Variants in SCAP observed in about 807,000 individuals in gnomAD.
SCAP encodes the protein SREBF chaperone.
In SCAP, 65 loss-of-function variants were observed where a neutral mutation model predicts 123.6. The ratio of observed to expected loss-of-function variants is 0.53; its 90% CI spans 0.43 to 0.65. The LOEUF (loss-of-function observed/expected upper bound fraction) is 0.65. Among genes scored for constraint, SCAP ranks in the 30% least tolerant of loss-of-function variants. The pLI is 0.00. For missense variants in SCAP, 1,398 were observed against 1,712.5 expected (o/e 0.82, Z 3.24); for synonymous variants, 740 against 726.3 (o/e 1.02, Z -0.30).
rs929194507 is a variant in SCAP, at chr3:47,419,937, G to A, written c.1564-233C>T. Among the ~76,000 whole-genome samples, 1 of 152,182 alleles carries A rather than the reference G, an allele frequency of 6.6e-6. No individual in the cohort carries two copies. On this transcript the variant is annotated intron_variant, in intron 12 of 22. Coordinates refer to ENST00000265565, the MANE Select transcript of SCAP (RefSeq NM_012235.4). This position sits in a 1 kb window ranked among gnomAD's most constrained non-coding sequence, Gnocchi z 5.0. ...TCCACAGTTAGGGGCTGAGTTTCTT[G>A]GCCTGGAAATACACTGAAGCACCCT...
At chr3:47,421,251 G>C (rs1705886804) in intron 10 of SCAP, 2 of 570,174 alleles carry the variant, frequency 3.5e-6, no homozygotes, top group Non-Finnish European at 6.4e-6. Flanking sequence ...TCTTCAGAAA[G>C]GGCTGAAAGG....
At chr3:47,447,763 T>C (rs1707100705) in intron 1 of SCAP, among the ~76,000 whole-genome samples, 1 of 151,390 alleles carries the variant, frequency 6.6e-6, no homozygotes, top group Non-Finnish European at 1.5e-5. Context: ...TCCCAGCACT[T>C]TGGGAGGCCA....
Position 47,435,066 on chromosome 3 carries a change from G to A in SCAP, c.194C>T (p.Ser65Leu), listed in dbSNP as rs745791819. 21 of 1,614,012 alleles carry A rather than the reference G, an allele frequency of 1.3e-5. No homozygotes were observed. In the East Asian group the frequency reaches 2.0e-4, roughly 15 times the overall value. Residue 65 changes from serine to leucine, a missense_variant, in exon 3 of 23, where the codon TCG becomes TTG. Ser to Leu is a moderately radical substitution (Grantham distance 145). Around this residue, in one of 7 missense-constraint regions of SCAP, gnomAD observed 319 missense variants for 432.4 expected, o/e 0.74. Coordinates refer to ENST00000265565, the MANE Select transcript of SCAP (RefSeq NM_012235.4). ...GCGGTCAGAGTCCACAGGTGGGGGC[G>A]AGTAATCCTTCACAGGGGTGGTGAA... ...VEFTTPVKDY[S>L]PPPVDSDRKQ...
At chr3:47,465,370 C>T (rs1168695621) in intron 1 of SCAP, among the ~76,000 whole-genome samples, 4 of 152,090 alleles carry the variant, frequency 2.6e-5, no homozygotes, top group Non-Finnish European at 5.9e-5. Flanking sequence ...AGGGTTTCAC[C>T]ATGTTGGCCA....
rs1705821327 is a variant in SCAP at position 47,420,070 on chromosome 3, T to TC, written c.1564-367dup. 2.0e-5 allele frequency among the ~76,000 whole-genome samples: 3 copies of TC among 151,982 alleles called. No individual in the cohort carries two copies. The highest frequency in any genetic ancestry group is 4.4e-5 in the Non-Finnish European group (3 of 67,932). The stretch of plus-strand genomic sequence containing the variant: ...GCCAGCAACCTGACCTGCTCCAGAG[T>TC]CCCCCAGAGGTCCTAGTCCCAGGGG... On this transcript the variant is annotated intron_variant, in intron 12 of 22. Transcript: ENST00000265565. The surrounding 1 kb of genome is among the most constrained non-coding windows in gnomAD (Gnocchi z 5.0).
intron 1 of SCAP, among the ~76,000 whole-genome samples, chr3:47,452,084 C>A (rs1301571935): frequency 6.6e-6 from 1 of 152,166 alleles, no homozygotes; most frequent in East Asian, 1.9e-4. Context: ...CAGTAGTTCT[C>A]TTTATTGTTC....
Position 47,417,130 on chromosome 3 carries a change from C to G in SCAP, c.3048G>C (p.Leu1016Phe). 6.2e-7 allele frequency: 1 copy of G among 1,613,048 alleles called. No homozygotes were observed. Among genetic ancestry groups the G allele is most frequent in the Non-Finnish European group, 8.5e-7 (1 of 1,179,990 alleles). The part of the protein sequence containing the change: ...VSSGITALVF[L>F]DKRIVAARLN... ...AGGCAGGCCACGCTCACCTTTTGTCCAAGAACACCAGAGCGGTAATGCCTG... is the reference window on the plus strand; with the variant it reads ...AGGCAGGCCACGCTCACCTTTTGTCGAAGAACACCAGAGCGGTAATGCCTG... Residue 1016 changes from leucine (L) to phenylalanine (F), a missense_variant, in exon 18 of 23, where the codon TTG (leucine) becomes TTC (phenylalanine). Coordinates refer to ENST00000265565, the MANE Select transcript of SCAP (RefSeq NM_012235.4).
Position 47,420,694 on chromosome 3 carries a change from C to T in SCAP, c.1423G>A (p.Glu475Lys), listed in dbSNP as rs370283515. The T allele has an allele frequency of 2.9e-5, 47 of 1,611,636 alleles. No homozygotes were observed. The highest frequency in any genetic ancestry group is 3.1e-5 in the Non-Finnish European group (36 of 1,179,954). ...GACGGCCTCACAGCCAGCTGCCGCT[C>T]GTAGCGCGTTGGCTGTCCCACTGGC... is the stretch of plus-strand genomic sequence containing the variant. ...AKPVGQPTRY[E>K]RQLAVRPSTP... The change falls in exon 12 of 23, where the codon GAG becomes AAG. Residue 475 changes from glutamate to lysine, a missense_variant. Coordinates refer to ENST00000265565, the MANE Select transcript of SCAP (RefSeq NM_012235.4). This position sits in a 1 kb window ranked among gnomAD's most constrained non-coding sequence, Gnocchi z 5.0.
intron 1 of SCAP, chr3:47,443,333 CTCCTA>C (rs1466406888): frequency 7.7e-6 from 2 of 259,610 alleles, no homozygotes; most frequent in East Asian, 7.5e-5. Flanking sequence ...AACTCCCTCC[CTCCTA>C]TATTAGGCAA....
At chr3:47,432,780 C>T (rs942524225) in intron 3 of SCAP, among the ~76,000 whole-genome samples, 3 of 152,150 alleles carry the variant, frequency 2.0e-5, no homozygotes, top group African/African-American at 4.8e-5. Flanking sequence ...TGGGCTCAAG[C>T]GATCCTCCTG....
rs779194978 is a variant in SCAP at position 47,414,025 on chromosome 3, G to C, written c.3669C>G (p.Ser1223=). The change falls in exon 23 of 23, where the codon TCC becomes TCG. Residue 1223 remains serine (S), a synonymous_variant. Transcript: ENST00000265565. ...LLVTGGQGCV[S]FWDLNYGDLL... is the part of the protein sequence containing the mutation. ...GGTCCCCGTAGTTTAGGTCCCAAAA[G>C]GAGACACAGCCCTGGCCGCCAGTCA... 1 of 1,613,328 alleles carries C rather than the reference G, an allele frequency of 6.2e-7. No homozygotes were observed. Among genetic ancestry groups the C allele is most frequent in the South Asian group, 1.1e-5 (1 of 91,088 alleles).
In SCAP at chr3:47,417,445, G is replaced by T; in HGVS notation, c.2829C>A (p.Ser943=). The T allele has an allele frequency of 6.4e-7, 1 of 1,553,654 alleles. No individual in the cohort carries two copies. ...AGCCACCCTCGTCCTCAGGGGCCTG[G>T]GACAGCACCGGCCCAGGCGAGGGTG... The part of the protein sequence containing the change: ...LRPPSPGPVL[S]QAPEDEGGSP... The change falls in exon 17 of 23, where the codon TCC becomes TCA. Residue 943 remains serine, a synonymous_variant. Coordinates refer to ENST00000265565, the MANE Select transcript of SCAP (RefSeq NM_012235.4).
Position 47,419,811 on chromosome 3 carries a change from G to T in SCAP, c.1564-107C>A. On this transcript the variant is annotated intron_variant, in intron 12 of 22. Transcript: ENST00000265565. This position sits in a 1 kb window ranked among gnomAD's most constrained non-coding sequence, Gnocchi z 5.0. ...GCACAGGGACCTCAGGCCTGGGGAT[G>T]GAGAGAGGACACAGGCCCCACTGCG... is the stretch of plus-strand genomic sequence containing the variant. The T allele has an allele frequency of 1.5e-6, 2 of 1,337,286 alleles. No homozygotes were observed. Among genetic ancestry groups the T allele is most frequent in the Non-Finnish European group, 2.0e-6 (2 of 997,534 alleles). The allele number at this position is 1,337,286 out of a possible 1,614,324, so 82.8% of individuals were successfully genotyped here.
intron 1 of SCAP, among the ~76,000 whole-genome samples, chr3:47,465,725 C>A (rs553171240): frequency 1.3e-5 from 2 of 151,380 alleles, no homozygotes; most frequent in Admixed American, 1.3e-4. Flanking sequence ...GCAGTGACTG[C>A]GCCAATGCAT....
chr3:47,475,844 G>C lies in SCAP; in HGVS notation c.-144C>G, dbSNP rs2108049918. On this transcript the variant is annotated 5_prime_UTR_variant, in exon 1 of 23. Transcript: ENST00000265565. ...AAGCTGCGGCGGCGGCGGCGGCGGC[G>C]ACGGGGGCGGCAGCAGGGGCGGAGC... is the stretch of plus-strand genomic sequence containing the variant. 1 of 161,182 alleles carries C rather than the reference G, an allele frequency of 6.2e-6. No homozygotes were observed. The highest frequency in any genetic ancestry group is 1.7e-4 in the South Asian group (1 of 5,822). The allele number at this position is 161,182 out of a possible 1,614,324, so 10.0% of individuals were successfully genotyped here.
chr3:47,426,745 CTT>C, intron 6 of SCAP, among the ~76,000 whole-genome samples: 1 of 152,358 alleles, frequency 6.6e-6, no homozygotes, highest in East Asian at 1.9e-4. Flanking sequence ...CTCCAACACT[CTT>C]GATTGCCAGA....
chr3:47,431,356 C>T (rs543052062), intron 3 of SCAP, among the ~76,000 whole-genome samples: 1 of 151,510 alleles, frequency 6.6e-6, no homozygotes, highest in East Asian at 2.0e-4. Context: ...GACATTTCAT[C>T]TCTGTAGTCC....
chr3:47,421,236 C>A, intron 10 of SCAP: 1 of 599,054 alleles, frequency 1.7e-6, no homozygotes. Flanking sequence ...GAAACCCTCA[C>A]ACTTTCTTCA....
intron 1 of SCAP, among the ~76,000 whole-genome samples, chr3:47,464,421 A>C (rs1428047117): frequency 1.3e-5 from 2 of 152,080 alleles, no homozygotes; most frequent in African/African-American, 4.8e-5. Context: ...TCAGATGACA[A>C]GTGGAATTTA....
Sources: allele counts gnomAD v4.1 joint callset (sites outside exome capture counted in the v4.1 genomes callset), GRCh38; gene constraint gnomAD v4.1.1; regional missense constraint gnomAD v4.1.1; non-coding constraint Gnocchi (gnomAD v3.1); transcripts MANE v1.5; gene names NCBI Gene and HGNC (gene_info 2026-07-23, HGNC 2026-07-21).